ACTR3C: variants seen among roughly 807,000 people sequenced by gnomAD.
ACTR3C encodes actin-related protein 3C.
Under a neutral mutation model 26.3 loss-of-function variants are expected in ACTR3C, and 18 were observed. The ratio of observed to expected loss-of-function variants is 0.68; its 90% CI spans 0.47 to 1.01. ACTR3C has a LOEUF of 1.01. Ranked by LOEUF, ACTR3C falls within the 50% of genes least tolerant of loss-of-function variation. The pLI is 0.00. For missense variants in ACTR3C, 184 were observed against 250.7 expected (o/e 0.73, Z 1.80); for synonymous variants, 55 against 94.5 (o/e 0.58, Z 2.42).
the ACTR3C span, among the ~76,000 whole-genome samples, chr7:150,049,129 G>A: frequency 0.017 from 2,268 of 135,712 alleles, 11 homozygotes; most frequent in African/African-American, 0.04. Context: ...CCGCAGGAAG[G>A]CGCGCTCCAG....
chr7:150,163,955 C>T, the ACTR3C span, among the ~76,000 whole-genome samples: 1 of 152,240 alleles, frequency 6.6e-6, no homozygotes, highest in Non-Finnish European at 1.5e-5. Context: ...TGAATCTGGG[C>T]ATCCTGTATC....
the ACTR3C span, among the ~76,000 whole-genome samples, chr7:149,949,203 C>T: frequency 0.92 from 123,239 of 133,680 alleles, 57,931 homozygotes; most frequent in Non-Finnish European, 0.98. Flanking sequence ...TACATATATA[C>T]ACACACACAC....
chr7:150,088,019 A>G, the ACTR3C span, among the ~76,000 whole-genome samples: 1 of 152,240 alleles, frequency 6.6e-6, no homozygotes, highest in Non-Finnish European at 1.5e-5. Context: ...TCCCATTTTC[A>G]ATTGGGTTAC....
chr7:150,052,044 G>A, the ACTR3C span, among the ~76,000 whole-genome samples: 4 of 152,088 alleles, frequency 2.6e-5, no homozygotes, highest in African/African-American at 9.7e-5. Context: ...AATATTTGAA[G>A]AAATGAAATG....
chr7:150,317,726 A>G (rs981596788), intron 1 of ACTR3C, among the ~76,000 whole-genome samples: 1 of 152,200 alleles, frequency 6.6e-6, no homozygotes, highest in African/African-American at 2.4e-5. Context: ...ATATCTGATC[A>G]TGCTAAGAAA....
chr7:150,214,206 T>C, the ACTR3C span, among the ~76,000 whole-genome samples: 24 of 152,174 alleles, frequency 1.6e-4, no homozygotes, highest in Non-Finnish European at 2.9e-4. Context: ...CATTTTAAAC[T>C]GTGGTCCAAT....
At chr7:150,044,978 C>T in the ACTR3C span, 1 of 152,012 alleles carries the variant, frequency 6.6e-6, no homozygotes, top group Non-Finnish European at 1.5e-5. Flanking sequence ...TCAGACAGCT[C>T]CCACCGAAGT....
At chr7:150,066,187 G>A in the ACTR3C span, among the ~76,000 whole-genome samples, 1 of 152,056 alleles carries the variant, frequency 6.6e-6, no homozygotes, top group East Asian at 1.9e-4. Flanking sequence ...CAGGAGAAGG[G>A]AGACCCATAC....
the ACTR3C span, among the ~76,000 whole-genome samples, chr7:149,976,898 C>T: frequency 1.3e-5 from 2 of 151,308 alleles, no homozygotes; most frequent in Non-Finnish European, 2.9e-5. Flanking sequence ...GGCTGGAAAT[C>T]GGGAAATAAA....
the ACTR3C span, among the ~76,000 whole-genome samples, chr7:149,979,793 G>A: frequency 9.3e-5 from 14 of 150,878 alleles, no homozygotes; most frequent in African/African-American, 3.2e-4. Flanking sequence ...TGTATTTTTA[G>A]TTGAGAATGT....
chr7:150,240,976 A>C (rs1300691865), downstream of ACTR3C, among the ~76,000 whole-genome samples: 13 of 152,344 alleles, frequency 8.5e-5, no homozygotes, highest in South Asian at 2.3e-3. Context: ...TAAAACTATT[A>C]GTAATAAATT....
chr7:150,121,891 A>G, the ACTR3C span, among the ~76,000 whole-genome samples: 2 of 152,200 alleles, frequency 1.3e-5, no homozygotes, highest in Admixed American at 6.5e-5. Flanking sequence ...ATATCAACCA[A>G]TGAAGCAGAA....
At chr7:150,250,218 T>TTTTC (rs1414840396) in intron 6 of ACTR3C, among the ~76,000 whole-genome samples, 2 of 145,698 alleles carry the variant, frequency 1.4e-5, no homozygotes, top group African/African-American at 5.5e-5. Context: ...TTTTTTTTTT[T>TTTTC]TTTGAGACGG....
the ACTR3C span, among the ~76,000 whole-genome samples, chr7:150,168,245 G>A: frequency 6.6e-6 from 1 of 150,768 alleles, no homozygotes; most frequent in African/African-American, 2.5e-5. Context: ...ACTCCCCATT[G>A]CTCACATTAC....
the ACTR3C span, among the ~76,000 whole-genome samples, chr7:150,154,127 G>A: frequency 5.4e-4 from 80 of 149,244 alleles, no homozygotes; most frequent in African/African-American, 2.0e-3. Flanking sequence ...AATGCTAAAT[G>A]ACGAGTTAAT....
At chr7:150,221,623 T>C in the ACTR3C span, among the ~76,000 whole-genome samples, 1 of 152,338 alleles carries the variant, frequency 6.6e-6, no homozygotes, top group East Asian at 1.9e-4. Flanking sequence ...CTTGTATAAA[T>C]TGAAGGAAGA....
At chr7:149,921,464 T>G in the ACTR3C span, among the ~76,000 whole-genome samples, 1 of 152,264 alleles carries the variant, frequency 6.6e-6, no homozygotes, top group Non-Finnish European at 1.5e-5. Context: ...TCCTTATGGA[T>G]GTCAGCTGAC....
the ACTR3C span, among the ~76,000 whole-genome samples, chr7:150,209,424 T>C: frequency 6.6e-6 from 1 of 151,476 alleles, no homozygotes; most frequent in Non-Finnish European, 1.5e-5. Flanking sequence ...AAAAAGCACT[T>C]GCCTAACTCA....
At chr7:150,007,297 G>A in the ACTR3C span, among the ~76,000 whole-genome samples, 1 of 152,226 alleles carries the variant, frequency 6.6e-6, no homozygotes, top group Non-Finnish European at 1.5e-5. Flanking sequence ...AGAAATGGAG[G>A]AGAAGAAAGG....
Sources: allele counts gnomAD v4.1 joint callset (sites outside exome capture counted in the v4.1 genomes callset), GRCh38; gene constraint gnomAD v4.1.1; transcripts MANE v1.5; gene names NCBI Gene and HGNC (gene_info 2026-07-23, HGNC 2026-07-21).